ZNF287: variants seen among roughly 807,000 people sequenced by gnomAD.
The protein encoded by ZNF287 is zinc finger protein with KRAB and SCAN domains 13.
ZNF287 carries 31 observed loss-of-function variants against 73.7 expected under a neutral mutation model. The observed-to-expected ratio is 0.42, with a 90% CI of 0.32 to 0.57. The LOEUF (loss-of-function observed/expected upper bound fraction) is 0.57, where lower values mean the gene tolerates loss of function less well. Among genes scored for constraint, ZNF287 ranks in the 20% least tolerant of loss-of-function variants. The pLI is 0.13. For missense variants in ZNF287, 641 were observed against 909.3 expected (o/e 0.70, Z 3.79); for synonymous variants, 301 against 307.2 (o/e 0.98, Z 0.21).
In ZNF287 at chr17:16,546,965, T is replaced by C. The variant is rs553107288; in HGVS notation, c.*4891A>G. On this transcript the variant is annotated 3_prime_UTR_variant, in exon 6 of 6. Transcript: ENST00000395825. Reference sequence around the variant, plus strand: ...TTTGTACATATCACTGTAGTGCACATGCTTGCCATTTTTAATGGTTATAGT... The same window carrying C: ...TTTGTACATATCACTGTAGTGCACACGCTTGCCATTTTTAATGGTTATAGT... Among the ~76,000 whole-genome samples the C allele has an allele frequency of 6.6e-6, 1 of 152,222 alleles. No individual in the cohort carries two copies. Among genetic ancestry groups the C allele is most frequent in the Non-Finnish European group, 1.5e-5 (1 of 68,048 alleles).
intron 5 of ZNF287, among the ~76,000 whole-genome samples, chr17:16,558,602 A>T (rs1224268899): frequency 6.6e-6 from 1 of 152,130 alleles, no homozygotes; most frequent in Non-Finnish European, 1.5e-5. Flanking sequence ...GCCTGGCCAT[A>T]TCATATTTGT....
intron 3 of ZNF287, among the ~76,000 whole-genome samples, chr17:16,565,380 C>G (rs1907685177): frequency 1.3e-5 from 2 of 150,998 alleles, no homozygotes; most frequent in African/African-American, 4.9e-5. Flanking sequence ...GGGTGTGATA[C>G]TGGAGGCATT....
intron 5 of ZNF287, among the ~76,000 whole-genome samples, chr17:16,553,704 A>G (rs1033551238): frequency 1.3e-5 from 2 of 152,206 alleles, no homozygotes; most frequent in Admixed American, 1.3e-4. Flanking sequence ...AAACAGTGAT[A>G]ACACTGTGTG....
Position 16,567,588 on chromosome 17 carries a change from A to G in ZNF287, c.144T>C (p.Cys48=). 1 of 1,614,214 alleles carries G rather than the reference A, an allele frequency of 6.2e-7. No homozygotes were observed. The highest frequency in any genetic ancestry group is 8.5e-7 in the Non-Finnish European group (1 of 1,180,034). Residue 48 remains cysteine, a synonymous_variant, in exon 2 of 6, where the codon TGT becomes TGC. Coordinates refer to ENST00000395825, the MANE Select transcript of ZNF287 (RefSeq NM_020653.4). The stretch of plus-strand genomic sequence containing the variant: ...ATGGAAAATTCCTAAAATTCTGTCG[A>G]CAGGTCTCAGTGTCACGCAAGAATC... ...TSRFLRDTET[C]RQNFRNFPYP... is the part of the protein sequence containing the mutation.
intron 5 of ZNF287, chr17:16,558,179 A>G (rs1279533126): frequency 6.6e-6 from 1 of 152,224 alleles, no homozygotes; most frequent in Non-Finnish European, 1.5e-5. Context: ...TTTGCCAACT[A>G]AGGCATATAA....
intron 5 of ZNF287, among the ~76,000 whole-genome samples, chr17:16,560,638 G>C (rs374783092): frequency 6.6e-6 from 1 of 150,774 alleles, no homozygotes; most frequent in Non-Finnish European, 1.5e-5. Context: ...GCGAGCCACC[G>C]TACCCGGCTG....
Position 16,563,185 on chromosome 17 carries a change from A to G in ZNF287, c.676T>C (p.Trp226Arg). The change falls in exon 5 of 6, where the codon TGG becomes CGG. Residue 226 changes from tryptophan to arginine, a missense_variant. Physicochemically the swap from Trp to Arg is moderately radical, Grantham distance 101 (BLOSUM62 -3). This residue lies in a region of ZNF287 where 357 missense variants were observed against 442.4 expected (regional missense o/e 0.81). Transcript: ENST00000395825. ...TCTAAAATTTCTTTTATCACCATCC[A>G]TGGTTCTTCCAATATGGGAATCACA... ...PTVIPILEEPWMVIKEILEGP... is the reference protein window; with the variant it reads ...PTVIPILEEPRMVIKEILEGP... The G allele has an allele frequency of 6.2e-7, 1 of 1,613,836 alleles. No individual in the cohort carries two copies. Among genetic ancestry groups the G allele is most frequent in the Non-Finnish European group, 8.5e-7 (1 of 1,179,848 alleles).
chr17:16,563,378 T>C (rs754635765), intron 4 of ZNF287, 146 bp from the exon 5 acceptor site: 15 of 614,890 alleles, frequency 2.4e-5, no homozygotes, highest in Middle Eastern at 4.3e-4. Flanking sequence ...AATTAGGCTG[T>C]TGATTGTTAT....
chr17:16,568,488 A>C (rs1247765950), intron 1 of ZNF287, among the ~76,000 whole-genome samples: 2 of 152,176 alleles, frequency 1.3e-5, no homozygotes, highest in Non-Finnish European at 2.9e-5. Flanking sequence ...GGTTGGTGTG[A>C]CTTCAAGTCC....
In ZNF287 at chr17:16,567,241, T is replaced by A; in HGVS notation, c.403+88A>T. The A allele has an allele frequency of 2.0e-6, 3 of 1,504,758 alleles. No individual in the cohort carries two copies. The South Asian group carries it at 4.1e-5, about 20-fold the overall frequency. The allele number at this position is 1,504,758 out of a possible 1,614,324, so 93.2% of individuals were successfully genotyped here. A position where few individuals can be genotyped will look rare whatever the true frequency, so the allele number is the denominator to read the frequency against. On this transcript the variant is annotated intron_variant, in intron 2 of 5. Coordinates refer to ENST00000395825, the MANE Select transcript of ZNF287 (RefSeq NM_020653.4). ...ATCCTGGACCTCTCAGTGCTCTCCC[T>A]GATTTCTTTAAAGGAGCTGCTCAGA...
intron 5 of ZNF287, among the ~76,000 whole-genome samples, chr17:16,555,172 G>GAT (rs1459983488): frequency 2.0e-5 from 3 of 152,022 alleles, no homozygotes; most frequent in African/African-American, 7.2e-5. Flanking sequence ...GAACCTAGAT[G>GAT]ATATATATGT....
chr17:16,551,505 G>A lies in ZNF287; in HGVS notation c.*351C>T, dbSNP rs1906655589. ...CAGGCTGACCGTGCAACTTGAGTAT[G>A]GGTAGATTTTCGTATACATGGGTGG... On this transcript the variant is annotated 3_prime_UTR_variant, in exon 6 of 6. Transcript: ENST00000395825. 1 of 209,128 alleles carries A rather than the reference G, an allele frequency of 4.8e-6. No homozygotes were observed. Among genetic ancestry groups the A allele is most frequent in the African/African-American group, 2.3e-5 (1 of 43,264 alleles). 13.0% of individuals were successfully genotyped at this position (209,128 alleles called of 1,614,324 possible).
At chr17:16,556,209 G>A (rs1381063078) in intron 5 of ZNF287, among the ~76,000 whole-genome samples, 1 of 144,634 alleles carries the variant, frequency 6.9e-6, no homozygotes, top group Non-Finnish European at 1.5e-5. Context: ...AAGGGGAGAA[G>A]GTCCTGGTCA....
At chr17:16,559,746 A>T (rs917443580) in intron 5 of ZNF287, among the ~76,000 whole-genome samples, 1 of 152,248 alleles carries the variant, frequency 6.6e-6, no homozygotes, top group Non-Finnish European at 1.5e-5. Context: ...TAAGGTGAGC[A>T]TAAGGTGAGC....
intron 5 of ZNF287, chr17:16,558,021 G>A (rs900178119): frequency 6.6e-6 from 1 of 152,132 alleles, no homozygotes; most frequent in Non-Finnish European, 1.5e-5. Context: ...AGAAGTTAAA[G>A]TGACTTCAGA....
chr17:16,549,845 T>G lies in ZNF287; in HGVS notation c.*2011A>C, dbSNP rs760083899. Reference sequence around the variant, plus strand: ...ACCTGATTCACGATTTTTAAGCAGTTCCCAAGTAAATGTTATTTGTTGAAC... The same window carrying G: ...ACCTGATTCACGATTTTTAAGCAGTGCCCAAGTAAATGTTATTTGTTGAAC... On this transcript the variant is annotated 3_prime_UTR_variant, in exon 6 of 6. Transcript: ENST00000395825. Among the ~76,000 whole-genome samples the G allele has an allele frequency of 2.4e-4, 37 of 152,224 alleles. No individual in the cohort carries two copies. Among genetic ancestry groups the G allele is most frequent in the Non-Finnish European group, 2.6e-4 (18 of 68,026 alleles).
chr17:16,549,143 A>G lies in ZNF287; in HGVS notation c.*2713T>C, dbSNP rs8077233. Among the ~76,000 whole-genome samples, 18,729 of 152,160 alleles carry G rather than the reference A, an allele frequency of 0.12. 2,323 individuals are homozygous for G. Among genetic ancestry groups the G allele is most frequent in the African/African-American group, 0.32 (13,152 of 41,468 alleles). On this transcript the variant is annotated 3_prime_UTR_variant, in exon 6 of 6. Coordinates refer to ENST00000395825, the MANE Select transcript of ZNF287 (RefSeq NM_020653.4). Reference sequence around the variant, plus strand: ...AATTTTATGATTTTTAAAACTTTCTATATATTTGAAAACTCATAATAAAAA... The same window carrying G: ...AATTTTATGATTTTTAAAACTTTCTGTATATTTGAAAACTCATAATAAAAA...
chr17:16,566,560 A>C lies in ZNF287; in HGVS notation c.466T>G (p.Phe156Val). 1 of 1,613,448 alleles carries C rather than the reference A, an allele frequency of 6.2e-7. No homozygotes were observed. The highest frequency in any genetic ancestry group is 8.5e-7 in the Non-Finnish European group (1 of 1,179,760). The change falls in exon 3 of 6, where the codon TTC (phenylalanine) becomes GTC (valine). Residue 156 changes from phenylalanine to valine, a missense_variant. Around this residue, in one of 2 missense-constraint regions of ZNF287, gnomAD observed 357 missense variants for 442.4 expected, o/e 0.81. Transcript: ENST00000395825. Reference sequence around the variant, plus strand: ...AAGTCATTTAGCCATCCTGTCTGGAAAGCATGTTTTCCTCTGGGGTCTTCC... The same window carrying C: ...AAGTCATTTAGCCATCCTGTCTGGACAGCATGTTTTCCTCTGGGGTCTTCC... ...PEEDPRGKHA[F>V]QTGWLNDLVT...
chr17:16,554,204 T>G (rs1453390966), intron 5 of ZNF287, among the ~76,000 whole-genome samples: 3 of 146,748 alleles, frequency 2.0e-5, no homozygotes, highest in Non-Finnish European at 3.0e-5. Context: ...ATCCACTACT[T>G]TTTTTTTTTT....
Sources: allele counts gnomAD v4.1 joint callset (sites outside exome capture counted in the v4.1 genomes callset), GRCh38; gene constraint gnomAD v4.1.1; regional missense constraint gnomAD v4.1.1; transcripts MANE v1.5; gene names NCBI Gene and HGNC (gene_info 2026-07-23, HGNC 2026-07-21).